The following OCA2 variants were observed in gnomAD, a reference collection of about 807,000 sequenced individuals.
The protein encoded by OCA2 is OCA2 melanosomal transmembrane protein.
A neutral mutation model predicts 100.2 loss-of-function variants in OCA2; 77 were observed. The ratio of observed to expected loss-of-function variants is 0.77; its 90% CI spans 0.64 to 0.93. OCA2 has a LOEUF of 0.93. Ranked by LOEUF, OCA2 falls within the 40% of genes least tolerant of loss-of-function variation. OCA2 has a pLI of 0.00. For missense variants in OCA2, 1,062 were observed against 1,089.1 expected (o/e 0.98, Z 0.35); for synonymous variants, 432 against 439.2 (o/e 0.98, Z 0.21).
At chr15:27,770,103 C>T (rs1485900999) in intron 23 of OCA2, among the ~76,000 whole-genome samples, 2 of 152,236 alleles carry the variant, frequency 1.3e-5, no homozygotes, top group African/African-American at 4.8e-5. Flanking sequence ...CCCAGCACCA[C>T]CAAGCATGGA....
intron 2 of OCA2, among the ~76,000 whole-genome samples, chr15:28,047,370 C>T (rs183523107): frequency 2.4e-4 from 36 of 152,102 alleles, no homozygotes; most frequent in African/African-American, 7.7e-4. Context: ...AGGATGAATT[C>T]GGACCTCTCC....
chr15:27,794,638 G>A (rs1378851867), intron 23 of OCA2, among the ~76,000 whole-genome samples: 1 of 152,128 alleles, frequency 6.6e-6, no homozygotes, highest in African/African-American at 2.4e-5. Context: ...GAAGTGTGTT[G>A]TAGAGCCAGG....
At chr15:27,933,822 T>C (rs2039350439) in intron 18 of OCA2, among the ~76,000 whole-genome samples, 1 of 152,218 alleles carries the variant, frequency 6.6e-6, no homozygotes, top group African/African-American at 2.4e-5. Flanking sequence ...GCTGTTTCAC[T>C]TCTTTTGTAC....
At chr15:27,721,455 T>C in the OCA2 span, among the ~76,000 whole-genome samples, 1 of 152,188 alleles carries the variant, frequency 6.6e-6, no homozygotes, top group East Asian at 1.9e-4. Context: ...AAGTGAACAA[T>C]ATTATTTTAA....
intron 18 of OCA2, among the ~76,000 whole-genome samples, chr15:27,948,731 GC>G (rs2039929070): frequency 6.6e-6 from 1 of 152,208 alleles, no homozygotes; most frequent in Non-Finnish European, 1.5e-5. Context: ...CTTCCAAAGT[GC>G]TAGGATTACG....
chr15:27,932,040 G>A (rs4778208), intron 18 of OCA2, among the ~76,000 whole-genome samples: 29,269 of 151,986 alleles, frequency 0.19, 4,051 homozygotes, highest in East Asian at 0.61. Context: ...CAAGGGCCTC[G>A]CCGTCCAGTG....
At chr15:27,958,435 G>A (rs1330380917) in intron 15 of OCA2, among the ~76,000 whole-genome samples, 1 of 152,202 alleles carries the variant, frequency 6.6e-6, no homozygotes, top group Non-Finnish European at 1.5e-5. Context: ...AGGAGAAGGT[G>A]CTCAGCGCTC....
At chr15:27,839,072 GGAAGA>G (rs1160865958) in intron 23 of OCA2, among the ~76,000 whole-genome samples, 1 of 152,128 alleles carries the variant, frequency 6.6e-6, no homozygotes, top group Non-Finnish European at 1.5e-5. Context: ...GAGAAAGAAG[GGAAGA>G]GAAAAGTACT....
intron 9 of OCA2, among the ~76,000 whole-genome samples, chr15:28,002,014 T>G (rs1012530740): frequency 3.3e-5 from 5 of 151,972 alleles, no homozygotes; most frequent in African/African-American, 1.2e-4. Context: ...GATGTTCAAG[T>G]AGGTCACTGA....
At chr15:27,839,114 T>TTTTCCTCC (rs2035256446) in intron 23 of OCA2, among the ~76,000 whole-genome samples, 1 of 152,172 alleles carries the variant, frequency 6.6e-6, no homozygotes, top group Admixed American at 6.5e-5. Context: ...AGTGGTCATT[T>TTTTCCTCC]AGGCAAGAGG....
At chr15:27,997,099 G>GA (rs1566775859) in intron 9 of OCA2, among the ~76,000 whole-genome samples, 931 of 30,030 alleles carry the variant, frequency 0.031, 10 homozygotes, top group African/African-American at 0.056. Context: ...AGAAAGAAAG[G>GA]AAGAAAGAAA....
intron 2 of OCA2, among the ~76,000 whole-genome samples, chr15:28,044,859 C>G (rs909534954): frequency 7.9e-5 from 12 of 152,106 alleles, no homozygotes; most frequent in African/African-American, 2.7e-4. Flanking sequence ...AGTTTTAGCA[C>G]TGTATGTCTT....
At chr15:28,004,479 C>G (rs1025235074) in intron 9 of OCA2, among the ~76,000 whole-genome samples, 8 of 152,158 alleles carry the variant, frequency 5.3e-5, no homozygotes, top group African/African-American at 1.9e-4. Flanking sequence ...TGGCACACAC[C>G]CACACACAGA....
intron 23 of OCA2, among the ~76,000 whole-genome samples, chr15:27,803,225 T>G (rs1314579594): frequency 6.6e-6 from 1 of 152,140 alleles, no homozygotes; most frequent in Middle Eastern, 3.2e-3. Flanking sequence ...GCAACCCCAC[T>G]TCGGCATATA....
intron 23 of OCA2, among the ~76,000 whole-genome samples, chr15:27,820,228 A>C (rs902409378): frequency 6.6e-6 from 1 of 152,212 alleles, no homozygotes; most frequent in Non-Finnish European, 1.5e-5. Context: ...TTCCTCCTCG[A>C]GCGGGGAGCA....
chr15:27,852,318 T>A (rs1279089340), intron 21 of OCA2, among the ~76,000 whole-genome samples: 1 of 152,188 alleles, frequency 6.6e-6, no homozygotes, highest in Non-Finnish European at 1.5e-5. Flanking sequence ...AAATAGGGAA[T>A]CCTTTCCCCA....
At chr15:28,007,949 G>A (rs578012161) in intron 9 of OCA2, among the ~76,000 whole-genome samples, 7 of 152,324 alleles carry the variant, frequency 4.6e-5, no homozygotes, top group African/African-American at 1.7e-4. Flanking sequence ...AGTCAGGGGT[G>A]GAAAGTGCCC....
intron 21 of OCA2, 119 bp downstream of exon 21, chr15:27,871,035 A>T: frequency 1.3e-6 from 1 of 799,802 alleles, no homozygotes; most frequent in Non-Finnish European, 2.2e-6. Context: ...TTCGTCCTCT[A>T]CACCTGTGAG....
chr15:28,018,615 G>C (rs1389624138), intron 6 of OCA2, 58 bp from the exon 7 acceptor site: 2 of 1,523,292 alleles, frequency 1.3e-6, no homozygotes, highest in African/African-American at 1.4e-5. Flanking sequence ...TGTCCCCGCC[G>C]CCCGCCAGAC....
Sources: gnomAD v4.1 joint callset for allele counts (sites outside exome capture counted in the v4.1 genomes callset) on GRCh38, gnomAD v4.1.1 for gene constraint, MANE v1.5 for transcripts, NCBI Gene and HGNC (gene_info 2026-07-23, HGNC 2026-07-21) for gene names.